Variants in ADAMTS16 observed in about 807,000 individuals in gnomAD.
The protein encoded by ADAMTS16 is ADAM metallopeptidase with thrombospondin type 1 motif 16, also known as A disintegrin and metalloproteinase with thrombospondin motifs 16.
A neutral mutation model predicts 145.8 loss-of-function variants in ADAMTS16; 94 were observed. The observed-to-expected ratio is 0.64, with a 90% CI of 0.55 to 0.77. ADAMTS16 has a LOEUF of 0.77. Ranked by LOEUF, ADAMTS16 falls within the 30% of genes least tolerant of loss-of-function variation. The pLI is 0.00. For synonymous variants in ADAMTS16, 659 were observed against 604.3 expected, an observed-to-expected ratio of 1.09 and a Z score of -1.33; for missense variants, 1,585 against 1,591.5, an observed-to-expected ratio of 1.00 and a Z score of 0.07.
intron 3 of ADAMTS16, among the ~76,000 whole-genome samples, chr5:5,177,870 G>T (rs1735242430): frequency 6.6e-6 from 1 of 150,706 alleles, no homozygotes; most frequent in Non-Finnish European, 1.5e-5. Context: ...CTCATGAATA[G>T]GGCGCATGGC....
chr5:5,231,077 C>T (rs1327302462), intron 11 of ADAMTS16, among the ~76,000 whole-genome samples: 2 of 152,192 alleles, frequency 1.3e-5, no homozygotes, highest in East Asian at 3.9e-4. Context: ...ACCGGTGCAA[C>T]CTCACTCCTG....
chr5:5,263,588 A>G (rs1738115993), intron 18 of ADAMTS16, among the ~76,000 whole-genome samples: 1 of 152,152 alleles, frequency 6.6e-6, no homozygotes, highest in African/African-American at 2.4e-5. Context: ...CCAGCTGGTC[A>G]CTCTGAAGAC....
intron 7 of ADAMTS16, among the ~76,000 whole-genome samples, chr5:5,191,371 A>C (rs1443898653): frequency 2.0e-5 from 3 of 152,132 alleles, no homozygotes. Flanking sequence ...CTCCATCTGC[A>C]ATAGATTCCA....
At chr5:5,194,173 G>A (rs1217972365) in intron 8 of ADAMTS16, among the ~76,000 whole-genome samples, 2 of 152,120 alleles carry the variant, frequency 1.3e-5, no homozygotes, top group East Asian at 3.8e-4. Context: ...TTAACTGCCA[G>A]AAAGTATCAG....
At chr5:5,170,752 T>G (rs1226875006) in intron 3 of ADAMTS16, among the ~76,000 whole-genome samples, 2 of 152,170 alleles carry the variant, frequency 1.3e-5, no homozygotes, top group Non-Finnish European at 2.9e-5. Context: ...TTATATATTC[T>G]GGTTGTTAAT....
chr5:5,155,034 C>A (rs1734566288), intron 3 of ADAMTS16, among the ~76,000 whole-genome samples: 1 of 152,090 alleles, frequency 6.6e-6, no homozygotes, highest in African/African-American at 2.4e-5. Flanking sequence ...AAGCAAAAGT[C>A]CAGTACAAAG....
chr5:5,203,707 C>T lies in ADAMTS16; in HGVS notation c.1451+3438C>T, dbSNP rs188226727. Among the ~76,000 whole-genome samples the T allele has an allele frequency of 1.7e-3, 257 of 152,228 alleles. 2 individuals are homozygous for T. The highest frequency in any genetic ancestry group is 6.1e-3 in the African/African-American group (252 of 41,548). On this transcript the variant is annotated intron_variant, in intron 9 of 22. Transcript: ENST00000274181. The stretch of plus-strand genomic sequence containing the variant: ...GGCCTGTGACTTAGGGAAATTTTAG[C>T]TCATTATTTTAAATTTCATGACAAC...
intron 8 of ADAMTS16, among the ~76,000 whole-genome samples, chr5:5,195,949 G>T (rs557045973): frequency 6.6e-6 from 1 of 152,072 alleles, no homozygotes; most frequent in Non-Finnish European, 1.5e-5. Context: ...GCATTGGGCC[G>T]TGTGTGGTGG....
At chr5:5,293,990 C>T (rs547066930) in intron 18 of ADAMTS16, among the ~76,000 whole-genome samples, 3 of 152,262 alleles carry the variant, frequency 2.0e-5, no homozygotes, top group African/African-American at 7.2e-5. Flanking sequence ...GGCCACAGGT[C>T]CATGTGTGTG....
chr5:5,266,151 G>C (rs1738232574), intron 18 of ADAMTS16, among the ~76,000 whole-genome samples: 1 of 152,102 alleles, frequency 6.6e-6, no homozygotes. Context: ...AGCTAGTCAT[G>C]TTAGTGGATC....
Position 5,200,285 on chromosome 5 carries a change from G to A in ADAMTS16, c.1451+16G>A. The A allele has an allele frequency of 6.2e-7, 1 of 1,613,596 alleles. No homozygotes were observed. Among genetic ancestry groups the A allele is most frequent in the Non-Finnish European group, 8.5e-7 (1 of 1,179,722 alleles). On this transcript the variant is annotated intron_variant, in intron 9 of 22. Transcript: ENST00000274181. ...AATTTCTAAGGTAGGAACTCTTTAA[G>A]CTGGTCTTGTGATCTTTCGGGGCCT...
chr5:5,239,011 C>T (rs1411111338), intron 14 of ADAMTS16, 140 bp from the exon 15 acceptor site: 2 of 894,358 alleles, frequency 2.2e-6, no homozygotes, highest in Admixed American at 6.0e-5. Context: ...ATTAGGTATC[C>T]AATAAATATT....
chr5:5,164,010 C>T (rs944005080), intron 3 of ADAMTS16, among the ~76,000 whole-genome samples: 12 of 152,180 alleles, frequency 7.9e-5, no homozygotes, highest in Admixed American at 7.2e-4. Context: ...TCCTTTATCA[C>T]ACCCCACCCA....
intron 15 of ADAMTS16, 47 bp from the exon 16 acceptor site, chr5:5,239,634 T>G: frequency 6.2e-7 from 1 of 1,603,194 alleles, no homozygotes; most frequent in Non-Finnish European, 8.5e-7. Flanking sequence ...ATTTTGCCCC[T>G]GCTTTCTGGA....
chr5:5,267,723 T>A (rs1021691245), intron 18 of ADAMTS16, among the ~76,000 whole-genome samples: 1 of 152,184 alleles, frequency 6.6e-6, no homozygotes, highest in African/African-American at 2.4e-5. Flanking sequence ...GGGGGCATAG[T>A]GGGCCAGGGT....
chr5:5,318,309 C>A, intron 22 of ADAMTS16, 28 bp downstream of exon 22: 1 of 1,403,646 alleles, frequency 7.1e-7, no homozygotes, highest in Non-Finnish European at 9.4e-7. Context: ...CTCAGCATGA[C>A]CTGGGCATGG....
At chr5:5,157,951 T>C (rs1340821982) in intron 3 of ADAMTS16, among the ~76,000 whole-genome samples, 2 of 152,098 alleles carry the variant, frequency 1.3e-5, no homozygotes, top group Non-Finnish European at 2.9e-5. Context: ...AAATTCCCCG[T>C]CCCCTCAGGG....
intron 21 of ADAMTS16, among the ~76,000 whole-genome samples, chr5:5,315,065 C>T (rs532119533): frequency 2.6e-4 from 39 of 152,250 alleles, no homozygotes; most frequent in African/African-American, 6.0e-4. Flanking sequence ...CTCACAGTTC[C>T]GCAGGACTGG....
chr5:5,186,618 G>A (rs1735507843), intron 5 of ADAMTS16, among the ~76,000 whole-genome samples: 1 of 152,114 alleles, frequency 6.6e-6, no homozygotes, highest in South Asian at 2.1e-4. Context: ...ATTTTAGATG[G>A]CTCTATAGAA....
Sources: allele counts gnomAD v4.1 joint callset (sites outside exome capture counted in the v4.1 genomes callset), GRCh38; gene constraint gnomAD v4.1.1; transcripts MANE v1.5; gene names NCBI Gene and HGNC (gene_info 2026-07-23, HGNC 2026-07-21).